The following ARB2A variants were observed in gnomAD, a reference collection of about 807,000 sequenced individuals.
ARB2A encodes ARB2 cotranscriptional regulator A, also known as cotranscriptional regulator ARB2A.
At chr5:94,012,687 C>T in the ARB2A span, among the ~76,000 whole-genome samples, 1 of 152,132 alleles carries the variant, frequency 6.6e-6, no homozygotes, top group East Asian at 1.9e-4. Context: ...AACTCACGGG[C>T]TTGTAAGCAA....
At chr5:93,865,511 T>A in the ARB2A span, 1 of 985,438 alleles carries the variant, frequency 1.0e-6, no homozygotes, top group Non-Finnish European at 1.2e-6. Context: ...ATAACTGGCA[T>A]TGTACTTTTA....
chr5:93,986,421 G>A, the ARB2A span, among the ~76,000 whole-genome samples: 14 of 146,906 alleles, frequency 9.5e-5, no homozygotes, highest in South Asian at 6.6e-4. Context: ...GCCTCTGCCC[G>A]GCTGCCCCAT....
chr5:94,106,139 A>G, the ARB2A span, among the ~76,000 whole-genome samples: 1 of 152,054 alleles, frequency 6.6e-6, no homozygotes, highest in Non-Finnish European at 1.5e-5. Context: ...AGAAAGACCT[A>G]ATTAAACTAA....
the ARB2A span, among the ~76,000 whole-genome samples, chr5:94,006,169 G>A: frequency 6.6e-6 from 1 of 152,072 alleles, no homozygotes; most frequent in African/African-American, 2.4e-5. Context: ...AACAAACTTT[G>A]ATACATCCCT....
At chr5:94,042,629 A>G in the ARB2A span, among the ~76,000 whole-genome samples, 4 of 152,132 alleles carry the variant, frequency 2.6e-5, no homozygotes, top group Non-Finnish European at 5.9e-5. Context: ...TTTAACAAAA[A>G]TTTGTAATGG....
the ARB2A span, among the ~76,000 whole-genome samples, chr5:93,662,771 T>G: frequency 6.6e-6 from 1 of 152,244 alleles, no homozygotes; most frequent in Admixed American, 6.5e-5. Context: ...GCTGCTCTTT[T>G]GTAACTCCAT....
the ARB2A span, among the ~76,000 whole-genome samples, chr5:94,096,138 C>T: frequency 6.6e-6 from 1 of 152,184 alleles, no homozygotes; most frequent in Non-Finnish European, 1.5e-5. Context: ...AGAGTCATTT[C>T]CATAGTACAG....
At chr5:93,685,942 T>C in the ARB2A span, among the ~76,000 whole-genome samples, 1 of 152,202 alleles carries the variant, frequency 6.6e-6, no homozygotes, top group Non-Finnish European at 1.5e-5. Context: ...AAAGAAATAC[T>C]AAACAAATAC....
At chr5:93,830,812 T>C in the ARB2A span, among the ~76,000 whole-genome samples, 7 of 152,126 alleles carry the variant, frequency 4.6e-5, no homozygotes, top group African/African-American at 1.7e-4. Flanking sequence ...TCAGGTGCAT[T>C]ACGTTTATTG....
chr5:94,001,515 T>G, the ARB2A span, among the ~76,000 whole-genome samples: 1 of 152,052 alleles, frequency 6.6e-6, no homozygotes, highest in Admixed American at 6.6e-5. Flanking sequence ...TTTTCAGAAT[T>G]TGTTCTTTTT....
chr5:93,621,160 TGGCCACGCGG>T, the ARB2A span: 7 of 1,555,644 alleles, frequency 4.5e-6, no homozygotes, highest in East Asian at 5.1e-5. Flanking sequence ...GGTTACCAGG[TGGCCACGCGG>T]GGCCAGGCGC....
the ARB2A span, chr5:93,881,708 G>T: frequency 7.0e-7 from 1 of 1,435,308 alleles, no homozygotes; most frequent in Non-Finnish European, 9.3e-7. Flanking sequence ...AATGAAAGAA[G>T]GTAGCATAAT....
chr5:93,946,174 G>A, the ARB2A span, among the ~76,000 whole-genome samples: 222 of 152,082 alleles, frequency 1.5e-3, 1 homozygote, highest in South Asian at 5.4e-3. Context: ...ATTAGATACA[G>A]GAAACAGGAG....
At chr5:93,682,742 C>A in the ARB2A span, 1 of 724,794 alleles carries the variant, frequency 1.4e-6, no homozygotes, top group Non-Finnish European at 2.5e-6. Context: ...AGAGAAAGTT[C>A]TCACTCTGCA....
the ARB2A span, among the ~76,000 whole-genome samples, chr5:93,828,576 A>ACAACAATCTCTAGCCTAGCCT: frequency 6.6e-6 from 1 of 152,176 alleles, no homozygotes; most frequent in East Asian, 1.9e-4. Flanking sequence ...GTGGATGACC[A>ACAACAATCTCTAGCCTAGCCT]CAACAATCTC....
chr5:93,626,566 CT>C, the ARB2A span, among the ~76,000 whole-genome samples: 3 of 152,002 alleles, frequency 2.0e-5, no homozygotes, highest in South Asian at 2.1e-4. Flanking sequence ...GTGAATCACA[CT>C]TTTTTTTGGT....
At chr5:94,054,794 C>G in the ARB2A span, among the ~76,000 whole-genome samples, 1 of 152,188 alleles carries the variant, frequency 6.6e-6, no homozygotes, top group Non-Finnish European at 1.5e-5. Flanking sequence ...TACACATTTA[C>G]TCAATCACTT....
At chr5:93,822,077 C>T in the ARB2A span, among the ~76,000 whole-genome samples, 2 of 152,146 alleles carry the variant, frequency 1.3e-5, no homozygotes, top group Non-Finnish European at 2.9e-5. Flanking sequence ...GCAGAGATAG[C>T]AGACTACAGA....
chr5:93,739,503 T>C, the ARB2A span: 1 of 152,080 alleles, frequency 6.6e-6, no homozygotes, highest in Non-Finnish European at 1.5e-5. Context: ...ACATAAACTC[T>C]GATATAATAC....
Sources: allele counts gnomAD v4.1 joint callset (sites outside exome capture counted in the v4.1 genomes callset), GRCh38; gene constraint gnomAD v4.1.1; transcripts MANE v1.5; gene names NCBI Gene and HGNC (gene_info 2026-07-23, HGNC 2026-07-21).